The following GALNT13 variants were observed in gnomAD, a reference collection of about 807,000 sequenced individuals.
GALNT13 encodes the protein UDP-GalNAc:polypeptide N-acetylgalactosaminyltransferase 13.
Under a neutral mutation model 64.2 loss-of-function variants are expected in GALNT13, and 28 were observed. That is an observed-to-expected ratio of 0.44 (90% CI 0.32 to 0.60). The LOEUF is 0.60. GALNT13 is among the 20% of genes least tolerant of loss of function. The probability of loss-of-function intolerance (pLI) is 0.05; values close to 1 mark genes in which losing one functional copy is unlikely to be tolerated. For missense variants in GALNT13, 577 were observed against 669.8 expected (o/e 0.86, Z 1.53); for synonymous variants, 214 against 224.6 (o/e 0.95, Z 0.42).
At chr2:153,251,618 C>T in the GALNT13 span, among the ~76,000 whole-genome samples, 1 of 109,202 alleles carries the variant, frequency 9.2e-6, no homozygotes, top group Admixed American at 1.2e-4. Flanking sequence ...CATCCCTCCC[C>T]CCTCCCCCCA....
At position 153,893,579 on chromosome 2, in the gene GALNT13, C is replaced by T. The variant is rs186743428; in HGVS notation, c.-176-7357C>T. On this transcript the variant is annotated intron_variant, in intron 1 of 12. Coordinates refer to ENST00000392825, the MANE Select transcript of GALNT13 (RefSeq NM_052917.4). ...ATACATATATAGGCACATGTATTTA[C>T]ATATATGTAAATTATGTCATTATTT... is the stretch of plus-strand genomic sequence containing the variant. 5.3e-5 allele frequency among the ~76,000 whole-genome samples: 8 copies of T among 150,132 alleles called. No individual in the cohort carries two copies. The East Asian group carries it at 1.6e-3, about 29-fold the overall frequency.
At chr2:153,161,278 C>A in the GALNT13 span, among the ~76,000 whole-genome samples, 2 of 152,102 alleles carry the variant, frequency 1.3e-5, no homozygotes, top group African/African-American at 4.8e-5. Flanking sequence ...TGTCTTCATT[C>A]CTTATTCACT....
intron 3 of GALNT13, among the ~76,000 whole-genome samples, chr2:153,987,312 G>T (rs1481023212): frequency 6.6e-6 from 1 of 151,858 alleles, no homozygotes; most frequent in African/African-American, 2.4e-5. Context: ...GTTGTTGTCT[G>T]TTGGATTTGA....
chr2:154,453,129 T>A lies in GALNT13; in HGVS notation c.*2578T>A, dbSNP rs1345842085. ...CTAGGTGTCACTACCTCTAACCTTT[T>A]TAATCGCAATATGCTTATTATTTAG... On this transcript the variant is annotated 3_prime_UTR_variant, in exon 13 of 13. Coordinates refer to ENST00000392825, the MANE Select transcript of GALNT13 (RefSeq NM_052917.4). The A allele has an allele frequency of 1.3e-5, 2 of 152,202 alleles. No homozygotes were observed. Among genetic ancestry groups the A allele is most frequent in the Non-Finnish European group, 2.9e-5 (2 of 68,040 alleles). 9.4% of individuals were successfully genotyped at this position (152,202 alleles called of 1,614,324 possible).
At chr2:153,841,276 C>T in the GALNT13 span, among the ~76,000 whole-genome samples, 1 of 151,992 alleles carries the variant, frequency 6.6e-6, no homozygotes, top group Non-Finnish European at 1.5e-5. Flanking sequence ...AAATTACCAC[C>T]TTTAAAAATA....
At chr2:153,793,670 C>T in the GALNT13 span, among the ~76,000 whole-genome samples, 1 of 141,926 alleles carries the variant, frequency 7.0e-6, no homozygotes, top group Admixed American at 7.1e-5. Context: ...AAAAAAAAAA[C>T]TAGAAAATGC....
At chr2:153,167,322 G>T in the GALNT13 span, among the ~76,000 whole-genome samples, 1 of 152,214 alleles carries the variant, frequency 6.6e-6, no homozygotes, top group Admixed American at 6.5e-5. Flanking sequence ...CTGGACAGAG[G>T]CAGAAACTTT....
chr2:154,242,780 G>A lies in GALNT13; in HGVS notation c.561G>A (p.Gly187=), dbSNP rs1689565440. Reference sequence around the variant, plus strand: ...TTATTAGGATGGAAGAACGCTCTGGGTTAATACGTGCCCGTCTTCGAGGAG... The same window carrying A: ...TTATTAGGATGGAAGAACGCTCTGGATTAATACGTGCCCGTCTTCGAGGAG... ...VKIIRMEERS[G]LIRARLRGAA... The change falls in exon 6 of 13, where the codon GGG becomes GGA. Residue 187 remains glycine, a synonymous_variant. Coordinates refer to ENST00000392825, the MANE Select transcript of GALNT13 (RefSeq NM_052917.4). 1 of 1,613,944 alleles carries A rather than the reference G, an allele frequency of 6.2e-7. No individual in the cohort carries two copies. The highest frequency in any genetic ancestry group is 1.3e-5 in the African/African-American group (1 of 74,924).
the GALNT13 span, among the ~76,000 whole-genome samples, chr2:153,305,580 A>G: frequency 6.6e-6 from 1 of 152,200 alleles, no homozygotes; most frequent in African/African-American, 2.4e-5. Flanking sequence ...CAAATTGAAT[A>G]GAAACAGAAT....
the GALNT13 span, among the ~76,000 whole-genome samples, chr2:153,137,150 T>C: frequency 6.6e-6 from 1 of 152,166 alleles, no homozygotes; most frequent in African/African-American, 2.4e-5. Context: ...ATGAAAAAGG[T>C]AAATAAAGTT....
chr2:153,752,884 T>G, the GALNT13 span, among the ~76,000 whole-genome samples: 1 of 152,170 alleles, frequency 6.6e-6, no homozygotes, highest in African/African-American at 2.4e-5. Flanking sequence ...AACTCTTAGA[T>G]TTGCCTTTTG....
At chr2:153,679,499 A>T in the GALNT13 span, among the ~76,000 whole-genome samples, 1 of 152,060 alleles carries the variant, frequency 6.6e-6, no homozygotes, top group South Asian at 2.1e-4. Context: ...AAAAATGTAC[A>T]TGCATTATGC....
chr2:154,455,661 G>T (rs894265209), downstream of GALNT13, among the ~76,000 whole-genome samples: 1 of 152,084 alleles, frequency 6.6e-6, no homozygotes, highest in African/African-American at 2.4e-5. Flanking sequence ...CTAAATATCA[G>T]CTATTGTATG....
chr2:153,450,766 G>A, the GALNT13 span, among the ~76,000 whole-genome samples: 2 of 152,124 alleles, frequency 1.3e-5, no homozygotes, highest in African/African-American at 4.8e-5. Context: ...TCCCTCTTAT[G>A]TAATAGTAGC....
At chr2:153,708,090 G>A in the GALNT13 span, among the ~76,000 whole-genome samples, 6 of 152,050 alleles carry the variant, frequency 3.9e-5, no homozygotes, top group South Asian at 8.3e-4. Flanking sequence ...AGTAAGCTCT[G>A]GTTCACTTTT....
chr2:154,053,317 G>A (rs1299700576), intron 3 of GALNT13, among the ~76,000 whole-genome samples: 2 of 152,030 alleles, frequency 1.3e-5, no homozygotes, highest in Non-Finnish European at 2.9e-5. Flanking sequence ...ATGGTACATG[G>A]CGATAGCTAT....
At chr2:153,713,629 T>C in the GALNT13 span, among the ~76,000 whole-genome samples, 1 of 152,152 alleles carries the variant, frequency 6.6e-6, no homozygotes, top group African/African-American at 2.4e-5. Flanking sequence ...ACTACAGGTG[T>C]ACGCCACCAC....
chr2:153,608,171 G>T, the GALNT13 span, among the ~76,000 whole-genome samples: 1 of 152,124 alleles, frequency 6.6e-6, no homozygotes, highest in Non-Finnish European at 1.5e-5. Flanking sequence ...TGCAGAGGAG[G>T]TTAAGAGATT....
the GALNT13 span, among the ~76,000 whole-genome samples, chr2:153,163,338 T>G: frequency 1.3e-5 from 2 of 152,118 alleles, no homozygotes; most frequent in Non-Finnish European, 2.9e-5. Flanking sequence ...TTTTTTTTGG[T>G]GTGTGTGCCC....
Sources: gnomAD v4.1 joint callset for allele counts (sites outside exome capture counted in the v4.1 genomes callset) on GRCh38, gnomAD v4.1.1 for gene constraint, MANE v1.5 for transcripts, NCBI Gene and HGNC (gene_info 2026-07-23, HGNC 2026-07-21) for gene names.